The following THSD7B variants were observed in gnomAD, a reference collection of about 807,000 sequenced individuals.
THSD7B encodes the protein thrombospondin type 1 domain containing 7B.
A neutral mutation model predicts 213.6 loss-of-function variants in THSD7B; 138 were observed. The ratio of observed to expected loss-of-function variants is 0.65; its 90% CI spans 0.56 to 0.74. The LOEUF (loss-of-function observed/expected upper bound fraction) is 0.74. Ranked by LOEUF, THSD7B falls within the 30% of genes least tolerant of loss-of-function variation. The probability of loss-of-function intolerance (pLI) is 0.00; values close to 1 mark genes in which losing one functional copy is unlikely to be tolerated. For synonymous variants in THSD7B, 742 were observed against 687.0 expected (o/e 1.08, Z -1.25); for missense variants, 1,931 against 1,991.5 (o/e 0.97, Z 0.58).
At chr2:137,109,970 GC>G in intron 4 of THSD7B, among the ~76,000 whole-genome samples, 1 of 152,216 alleles carries the variant, frequency 6.6e-6, no homozygotes, top group African/African-American at 2.4e-5. Flanking sequence ...TCTAGATGGT[GC>G]TGGGCACTCT....
intron 3 of THSD7B, among the ~76,000 whole-genome samples, chr2:137,076,513 G>T (rs1330465833): frequency 6.6e-6 from 1 of 152,230 alleles, no homozygotes; most frequent in Non-Finnish European, 1.5e-5. Flanking sequence ...CTAGGAAAGG[G>T]AATTCCCTGA....
chr2:137,249,462 C>A (rs2105071701), intron 10 of THSD7B, among the ~76,000 whole-genome samples: 1 of 152,168 alleles, frequency 6.6e-6, no homozygotes, highest in South Asian at 2.1e-4. Context: ...AATGTTAATC[C>A]AAGTAATATC....
intron 7 of THSD7B, among the ~76,000 whole-genome samples, chr2:137,191,068 G>A (rs899702493): frequency 3.3e-5 from 5 of 152,174 alleles, no homozygotes; most frequent in Non-Finnish European, 4.4e-5. Context: ...CCTGGGGCCC[G>A]AGCAGGGTTT....
intron 11 of THSD7B, among the ~76,000 whole-genome samples, chr2:137,273,895 A>T (rs1229138031): frequency 2.0e-5 from 3 of 152,112 alleles, no homozygotes; most frequent in Non-Finnish European, 4.4e-5. Context: ...CAAATGAAAA[A>T]AATTAGCCAA....
At chr2:137,287,483 A>G (rs1683213430) in intron 12 of THSD7B, among the ~76,000 whole-genome samples, 1 of 152,084 alleles carries the variant, frequency 6.6e-6, no homozygotes, top group Admixed American at 6.6e-5. Flanking sequence ...GTTTTGGGGT[A>G]GGATTATATT....
intron 14 of THSD7B, among the ~76,000 whole-genome samples, chr2:137,441,451 T>G (rs562788980): frequency 3.3e-5 from 5 of 152,284 alleles, no homozygotes; most frequent in African/African-American, 1.2e-4. Flanking sequence ...GTCTCTCTCC[T>G]GCCAAGATTG....
At chr2:137,618,752 A>C (rs967681537) in intron 19 of THSD7B, among the ~76,000 whole-genome samples, 1 of 152,178 alleles carries the variant, frequency 6.6e-6, no homozygotes, top group Non-Finnish European at 1.5e-5. Context: ...TGTTTTTATT[A>C]CTTATAAAAA....
Position 136,907,276 on chromosome 2 carries a change from A to G in THSD7B, c.139+24959A>G, listed in dbSNP as rs199726646. On this transcript the variant is annotated intron_variant, in intron 2 of 27. Transcript: ENST00000409968. The stretch of plus-strand genomic sequence containing the variant: ...TGTCATTTTTATACAAGTTTTCTCA[A>G]TAAGAACTGTCAAAAACATTTGAAT... 1.1e-4 allele frequency among the ~76,000 whole-genome samples: 17 copies of G among 152,138 alleles called. No homozygotes were observed. In the East Asian group the frequency reaches 2.7e-3, roughly 24 times the overall value.
chr2:137,232,757 G>T, intron 8 of THSD7B, 142 bp from the exon 9 acceptor site: 1 of 703,672 alleles, frequency 1.4e-6, no homozygotes, highest in Non-Finnish European at 2.4e-6. Context: ...CCTGTTCTTA[G>T]ACTGAGAAGA....
At chr2:137,503,853 C>T (rs996505273) in intron 15 of THSD7B, among the ~76,000 whole-genome samples, 1 of 151,824 alleles carries the variant, frequency 6.6e-6, no homozygotes, top group Non-Finnish European at 1.5e-5. Context: ...GGTGAAACCC[C>T]GTCTCTACTA....
intron 2 of THSD7B, among the ~76,000 whole-genome samples, chr2:137,047,385 G>T (rs879927080): frequency 1.3e-5 from 2 of 152,206 alleles, no homozygotes; most frequent in Non-Finnish European, 2.9e-5. Flanking sequence ...ATTATGCCAT[G>T]TTGTTACCGA....
intron 14 of THSD7B, among the ~76,000 whole-genome samples, chr2:137,418,786 A>G (rs1451359030): frequency 2.6e-5 from 4 of 152,098 alleles, no homozygotes; most frequent in African/African-American, 9.7e-5. Flanking sequence ...GACATGTGAT[A>G]TTTGTCCTTC....
intron 1 of THSD7B, among the ~76,000 whole-genome samples, chr2:136,824,834 C>T (rs928662924): frequency 1.3e-5 from 2 of 152,166 alleles, no homozygotes; most frequent in Non-Finnish European, 2.9e-5. Context: ...GGTCTGCATA[C>T]TGACTTTGAG....
intron 1 of THSD7B, among the ~76,000 whole-genome samples, chr2:136,789,522 T>C (rs1681925012): frequency 6.6e-6 from 1 of 152,118 alleles, no homozygotes; most frequent in Admixed American, 6.6e-5. Flanking sequence ...TATTTTGAAA[T>C]GTACAGTAAG....
intron 3 of THSD7B, among the ~76,000 whole-genome samples, chr2:137,079,698 T>C (rs1211376898): frequency 6.6e-6 from 1 of 152,230 alleles, no homozygotes; most frequent in Non-Finnish European, 1.5e-5. Context: ...ATAAATGAAT[T>C]AACCTTATTT....
chr2:136,970,806 G>A (rs1210016293), intron 2 of THSD7B, among the ~76,000 whole-genome samples: 5 of 152,156 alleles, frequency 3.3e-5, no homozygotes, highest in South Asian at 4.1e-4. Flanking sequence ...AAGAAAGAAA[G>A]AGAGTGAAAA....
intron 2 of THSD7B, among the ~76,000 whole-genome samples, chr2:136,975,391 A>G (rs981552892): frequency 3.9e-5 from 6 of 152,108 alleles, no homozygotes; most frequent in African/African-American, 7.2e-5. Context: ...TCTGGTTTCA[A>G]TCTTCTGCAT....
At chr2:137,150,992 G>A (rs184131775) in intron 5 of THSD7B, among the ~76,000 whole-genome samples, 2 of 152,152 alleles carry the variant, frequency 1.3e-5, no homozygotes, top group South Asian at 4.1e-4. Context: ...AATTGGGCTC[G>A]TAGGAGTCAA....
intron 15 of THSD7B, among the ~76,000 whole-genome samples, chr2:137,549,489 C>T (rs1680805462): frequency 1.3e-5 from 2 of 151,844 alleles, no homozygotes; most frequent in South Asian, 4.2e-4. Context: ...TTCCATGGTG[C>T]AATCCAACCC....
Sources: gnomAD v4.1 joint callset for allele counts (sites outside exome capture counted in the v4.1 genomes callset) on GRCh38, gnomAD v4.1.1 for gene constraint, MANE v1.5 for transcripts, NCBI Gene and HGNC (gene_info 2026-07-23, HGNC 2026-07-21) for gene names.